Variants in LYPLAL1 observed in about 807,000 individuals in gnomAD.
LYPLAL1 encodes the protein lysophospholipase like 1.
A neutral mutation model predicts 19.7 loss-of-function variants in LYPLAL1; 23 were observed. That is an observed-to-expected ratio of 1.17 (90% CI 0.84 to 1.65). The LOEUF is 1.65. Ranked by LOEUF, LYPLAL1 falls within the 40% of genes most tolerant of loss-of-function variation. LYPLAL1 has a pLI of 0.00. For synonymous variants in LYPLAL1, 119 were observed against 96.3 expected (o/e 1.24, Z -1.38); for missense variants, 355 against 279.4 (o/e 1.27, Z -1.93).
At chr1:219,218,201 G>A in the LYPLAL1 span, among the ~76,000 whole-genome samples, 4 of 151,882 alleles carry the variant, frequency 2.6e-5, no homozygotes, top group African/African-American at 7.3e-5. Context: ...AAAATAGGAG[G>A]CAGACTGGTT....
chr1:219,420,166 G>A, the LYPLAL1 span, among the ~76,000 whole-genome samples: 1 of 152,338 alleles, frequency 6.6e-6, no homozygotes, highest in Admixed American at 6.5e-5. Context: ...TCCAAGAACA[G>A]CCATGCCAAG....
the LYPLAL1 span, among the ~76,000 whole-genome samples, chr1:219,337,378 A>G: frequency 3.3e-5 from 5 of 151,758 alleles, no homozygotes; most frequent in African/African-American, 1.2e-4. Flanking sequence ...GTTTATAGTA[A>G]TATTGTGATA....
the LYPLAL1 span, among the ~76,000 whole-genome samples, chr1:219,335,639 T>A: frequency 6.6e-6 from 1 of 151,980 alleles, no homozygotes; most frequent in Admixed American, 6.6e-5. Flanking sequence ...CCCTCTAGAA[T>A]GAGAACTCTC....
chr1:219,417,955 A>G, the LYPLAL1 span, among the ~76,000 whole-genome samples: 2 of 152,246 alleles, frequency 1.3e-5, no homozygotes, highest in African/African-American at 4.8e-5. Flanking sequence ...CCATTTTTCA[A>G]CTGGCTCTTG....
intron 1 of LYPLAL1, among the ~76,000 whole-genome samples, chr1:219,177,594 A>G (rs1372670803): frequency 3.3e-5 from 5 of 152,172 alleles, no homozygotes; most frequent in African/African-American, 9.7e-5. Flanking sequence ...TACTCCGGCC[A>G]AAAGCCTGTT....
chr1:219,426,306 T>C, the LYPLAL1 span, among the ~76,000 whole-genome samples: 16 of 152,246 alleles, frequency 1.1e-4, no homozygotes, highest in Non-Finnish European at 1.5e-5. Flanking sequence ...AGTGGTTTTT[T>C]TAATGTTCTT....
At chr1:219,431,120 G>T in the LYPLAL1 span, among the ~76,000 whole-genome samples, 1 of 152,154 alleles carries the variant, frequency 6.6e-6, no homozygotes. Context: ...ACTATAATGT[G>T]CCTAAAGGAG....
At chr1:219,243,680 G>A in the LYPLAL1 span, among the ~76,000 whole-genome samples, 15 of 152,072 alleles carry the variant, frequency 9.9e-5, no homozygotes, top group African/African-American at 2.9e-4. Flanking sequence ...TGCACTTTGG[G>A]AGGCCGAGGT....
At chr1:219,277,603 G>A in the LYPLAL1 span, among the ~76,000 whole-genome samples, 1 of 152,092 alleles carries the variant, frequency 6.6e-6, no homozygotes, top group South Asian at 2.1e-4. Context: ...ATCAGAAGCT[G>A]GAAAACAACA....
At chr1:219,408,721 C>T in the LYPLAL1 span, among the ~76,000 whole-genome samples, 1 of 151,772 alleles carries the variant, frequency 6.6e-6, no homozygotes, top group Admixed American at 6.6e-5. Context: ...ACAGGTAAGA[C>T]TTTCAGAAGT....
At chr1:219,394,106 T>C in the LYPLAL1 span, among the ~76,000 whole-genome samples, 87 of 152,112 alleles carry the variant, frequency 5.7e-4, 1 homozygote, top group Non-Finnish European at 1.1e-3. Context: ...TAATTAAAAC[T>C]ACTAGATATA....
chr1:219,202,365 A>G (rs1419788754), intron 3 of LYPLAL1, among the ~76,000 whole-genome samples: 3 of 152,330 alleles, frequency 2.0e-5, no homozygotes, highest in African/African-American at 7.2e-5. Flanking sequence ...CCACTTGGAG[A>G]CTTACAGGTA....
the LYPLAL1 span, among the ~76,000 whole-genome samples, chr1:219,361,575 C>T: frequency 6.6e-6 from 1 of 152,030 alleles, no homozygotes; most frequent in Admixed American, 6.6e-5. Context: ...CTTTGGGCTC[C>T]TTCACACTCC....
At chr1:219,343,697 T>C in the LYPLAL1 span, among the ~76,000 whole-genome samples, 1 of 152,192 alleles carries the variant, frequency 6.6e-6, no homozygotes, top group African/African-American at 2.4e-5. Flanking sequence ...GATGCAAATT[T>C]AGGTGGCTTA....
At chr1:219,343,363 G>T in the LYPLAL1 span, among the ~76,000 whole-genome samples, 1 of 152,144 alleles carries the variant, frequency 6.6e-6, no homozygotes, top group Non-Finnish European at 1.5e-5. Context: ...AGATGAGAAT[G>T]AAATGGATCC....
the LYPLAL1 span, among the ~76,000 whole-genome samples, chr1:219,299,867 A>G: frequency 1.3e-5 from 2 of 152,260 alleles, no homozygotes; most frequent in South Asian, 4.1e-4. Context: ...TTGGTTGTAC[A>G]TATATATGCA....
downstream of LYPLAL1, among the ~76,000 whole-genome samples, chr1:219,214,266 G>A (rs1299981593): frequency 6.6e-6 from 1 of 152,004 alleles, no homozygotes; most frequent in Non-Finnish European, 1.5e-5. Context: ...TTGCTGAATT[G>A]TATTCACTAA....
chr1:219,397,387 C>T, the LYPLAL1 span, among the ~76,000 whole-genome samples: 1 of 151,986 alleles, frequency 6.6e-6, no homozygotes, highest in African/African-American at 2.4e-5. Context: ...TTTTTTGTTG[C>T]TTTGTCATTG....
At chr1:219,313,308 T>G in the LYPLAL1 span, among the ~76,000 whole-genome samples, 1 of 152,202 alleles carries the variant, frequency 6.6e-6, no homozygotes, top group Admixed American at 6.5e-5. Flanking sequence ...ATATTGGGTT[T>G]GTCTTAAACA....
Sources: allele counts gnomAD v4.1 joint callset (sites outside exome capture counted in the v4.1 genomes callset), GRCh38; gene constraint gnomAD v4.1.1; transcripts MANE v1.5; gene names NCBI Gene and HGNC (gene_info 2026-07-23, HGNC 2026-07-21).